CDH3: variants seen among roughly 807,000 people sequenced by gnomAD.
The protein encoded by CDH3 is cadherin-3.
CDH3 carries 54 observed loss-of-function variants against 82.0 expected under a neutral mutation model. That is an observed-to-expected ratio of 0.66 (90% CI 0.53 to 0.83). The LOEUF (loss-of-function observed/expected upper bound fraction) is 0.83, where lower values mean the gene tolerates loss of function less well. Ranked by LOEUF, CDH3 falls within the 40% of genes least tolerant of loss-of-function variation. CDH3 has a pLI of 0.00. For missense variants in CDH3, 1,054 were observed against 1,084.6 expected (o/e 0.97, Z 0.40); for synonymous variants, 446 against 437.9 (o/e 1.02, Z -0.23).
chr16:68,682,210 G>A lies in CDH3; in HGVS notation c.997-92G>A. On this transcript the variant is annotated intron_variant, in intron 8 of 15. Transcript: ENST00000264012. Reference sequence around the variant, plus strand: ...TGGTCCAGGAAAGGGTAAAGGCATGGGGATCCCCTGAGGTTGGATGGAGGC... The same window carrying A: ...TGGTCCAGGAAAGGGTAAAGGCATGAGGATCCCCTGAGGTTGGATGGAGGC... The A allele has an allele frequency of 2.8e-6, 4 of 1,403,870 alleles. No homozygotes were observed. In the South Asian group the frequency reaches 3.7e-5, roughly 13 times the overall value. 87.0% of individuals were successfully genotyped at this position (1,403,870 alleles called of 1,614,324 possible).
rs140184111 is a variant in CDH3 at position 68,688,784 on chromosome 16, A to G, written c.1795+1048A>G. Among the ~76,000 whole-genome samples the G allele has an allele frequency of 7.8e-3, 1,184 of 152,036 alleles. 4 individuals are homozygous for G. The highest frequency in any genetic ancestry group is 0.017 in the Middle Eastern group (5 of 294). The stretch of plus-strand genomic sequence containing the variant: ...CAGATACCTGTCACCATGCCCATCT[A>G]ATTTTTGTATTTTTTAGTAAAGGCA... On this transcript the variant is annotated intron_variant, in intron 12 of 15. Coordinates refer to ENST00000264012, the MANE Select transcript of CDH3 (RefSeq NM_001793.6).
At position 68,710,999 on chromosome 16, in the gene CDH3, AAGGGGAGGGGAGGGG is replaced by A. The variant is rs1238380029; in HGVS notation, c.100-11412_100-11398del. On this transcript the variant is annotated intron_variant, in intron 1 of 2. Coordinates refer to the CDH3 transcript ENST00000569080. Reference sequence around the variant, plus strand: ...GGGGAGGGGGGAGGGGACGGGAGGAAAGGGGAGGGGAGGGGAGGGGAGGGGAGGAGAGAAGGCGAG... The same window carrying A: ...GGGGAGGGGGGAGGGGACGGGAGGAAAGGGGAGGGGAGGAGAGAAGGCGAG... 1.2e-3 allele frequency among the ~76,000 whole-genome samples: 31 copies of A among 25,256 alleles called. 1 individual carries two copies. Among genetic ancestry groups the A allele is most frequent in the Non-Finnish European group, 6.6e-4 (9 of 13,624 alleles). 16.6% of individuals were successfully genotyped at this position (25,256 alleles called of 152,430 possible).
intron 2 of CDH3, among the ~76,000 whole-genome samples, chr16:68,648,271 C>T (rs981054636): frequency 6.6e-6 from 1 of 152,110 alleles, no homozygotes; most frequent in Non-Finnish European, 1.5e-5. Flanking sequence ...CTGGTATATG[C>T]CCAGGGCCTG....
chr16:68,679,329 G>C (rs2152100397), intron 6 of CDH3, among the ~76,000 whole-genome samples: 1 of 152,340 alleles, frequency 6.6e-6, no homozygotes, highest in South Asian at 2.1e-4. Context: ...AGGTAATACA[G>C]AGCGCCTAAT....
At chr16:68,731,391 A>ATATATATATAT (rs1182933300), downstream of CDH3, among the ~76,000 whole-genome samples, 2 of 7,358 alleles carry the variant, frequency 2.7e-4, no homozygotes, top group African/African-American at 6.7e-4. Flanking sequence ...AAAAAAAAAA[A>ATATATATATAT]AAAAATATAT....
chr16:68,681,072 T>C lies in CDH3; in HGVS notation c.972T>C (p.Asn324=). The C allele has an allele frequency of 6.2e-7, 1 of 1,613,968 alleles. No individual in the cohort carries two copies. Among genetic ancestry groups the C allele is most frequent in the Non-Finnish European group, 8.5e-7 (1 of 1,179,970 alleles). Residue 324 remains asparagine, a synonymous_variant, in exon 8 of 16, where the codon AAT becomes AAC. Coordinates refer to ENST00000264012, the MANE Select transcript of CDH3 (RefSeq NM_001793.6). ...AVVEILDAND[N]APMFDPQKYE... is the part of the protein sequence containing the mutation. The stretch of plus-strand genomic sequence containing the variant: ...TGGAGATCCTTGATGCCAATGACAA[T>C]GCTCCCATGTTTGACCCCCAGAAGG...
chr16:68,702,182 G>C (rs1961905620), downstream of CDH3, among the ~76,000 whole-genome samples: 1 of 152,102 alleles, frequency 6.6e-6, no homozygotes, highest in Admixed American at 6.6e-5. Context: ...GTGAGCCACT[G>C]TGCCCAGCCT....
chr16:68,708,855 CT>C (rs1454585584), intron 1 of CDH3, among the ~76,000 whole-genome samples: 1 of 152,124 alleles, frequency 6.6e-6, no homozygotes, highest in African/African-American at 2.4e-5. Context: ...GTTGGTTAGG[CT>C]GATCTCAATC....
chr16:68,700,267 G>T lies in CDH3; in HGVS notation c.*1867G>T, dbSNP rs1567460196. 6.6e-6 allele frequency: 1 copy of T among 152,222 alleles called. No homozygotes were observed. The highest frequency in any genetic ancestry group is 1.5e-5 in the Non-Finnish European group (1 of 68,038). The allele number at this position is 152,222 out of a possible 1,614,324, so 9.4% of individuals were successfully genotyped here. On this transcript the variant is annotated 3_prime_UTR_variant, in exon 16 of 16. Transcript: ENST00000264012. ...AAGTGAAGCTGAGGAAATTGCTGAT[G>T]TTGAAATAAACATTTCCTTCCATGA...
At chr16:68,663,242 TGAGACG>T (rs1363306171) in intron 2 of CDH3, among the ~76,000 whole-genome samples, 3 of 139,412 alleles carry the variant, frequency 2.2e-5, no homozygotes, top group African/African-American at 7.8e-5. Flanking sequence ...TTTTTTTTTC[TGAGACG>T]GAGTCTTGCT....
intron 2 of CDH3, among the ~76,000 whole-genome samples, chr16:68,725,091 T>A (rs1962205023): frequency 1.3e-5 from 2 of 152,040 alleles, no homozygotes. Flanking sequence ...CCTTATCTAT[T>A]GTTCTTGAGA....
Position 68,698,169 on chromosome 16 carries a change from T to G in CDH3, c.2281-22T>G, listed in dbSNP as rs756401632. ...AGAGGCAGGACCCGCCGCTCCTAAC[T>G]ACCTGTTCTCTGTTGCCGCAGAACC... On this transcript the variant is annotated intron_variant, in intron 15 of 15. Coordinates refer to ENST00000264012, the MANE Select transcript of CDH3 (RefSeq NM_001793.6). The G allele has an allele frequency of 1.9e-6, 3 of 1,613,432 alleles. No homozygotes were observed. The Middle Eastern group carries it at 4.9e-4, about 266-fold the overall frequency.
At chr16:68,708,081 A>G (rs988013541) in intron 1 of CDH3, among the ~76,000 whole-genome samples, 2 of 152,124 alleles carry the variant, frequency 1.3e-5, no homozygotes, top group African/African-American at 2.4e-5. Flanking sequence ...TAATCTCAGC[A>G]GTTTGGGAGG....
chr16:68,684,797 A>G lies in CDH3; in HGVS notation c.1397A>G (p.Asp466Gly). ...CCTGTGTGTGTCTACACTGCAGAAG[A>G]CCCTGACAAGGAGAATCAAAAGATC... The part of the protein sequence containing the change: ...GEPVCVYTAE[D>G]PDKENQKISY... Residue 466 changes from aspartate to glycine, a missense_variant, in exon 10 of 16, where the codon GAC becomes GGC. By Grantham distance (94) the Asp-to-Gly change is moderately conservative. Transcript: ENST00000264012. 1 of 1,614,156 alleles carries G rather than the reference A, an allele frequency of 6.2e-7. No individual in the cohort carries two copies. Among genetic ancestry groups the G allele is most frequent in the Non-Finnish European group, 8.5e-7 (1 of 1,180,024 alleles).
chr16:68,680,387 CT>C (rs1188296315), intron 7 of CDH3, among the ~76,000 whole-genome samples: 2 of 152,282 alleles, frequency 1.3e-5, no homozygotes. Context: ...ACTCAAAACT[CT>C]TTTTCTGAGG....
At chr16:68,685,793 C>T (rs543348205) in intron 11 of CDH3, among the ~76,000 whole-genome samples, 14 of 152,244 alleles carry the variant, frequency 9.2e-5, no homozygotes, top group African/African-American at 2.9e-4. Context: ...GGTGACAGAG[C>T]GAGACTATCT....
intron 1 of CDH3, among the ~76,000 whole-genome samples, chr16:68,711,064 A>T (rs1440208839): frequency 1.3e-5 from 2 of 150,484 alleles, no homozygotes; most frequent in Non-Finnish European, 3.0e-5. Context: ...TAATCCCAGC[A>T]CTTTGGGAGG....
At chr16:68,715,748 C>T (rs55828499) in intron 1 of CDH3, among the ~76,000 whole-genome samples, 9 of 152,312 alleles carry the variant, frequency 5.9e-5, no homozygotes, top group Non-Finnish European at 7.3e-5. Flanking sequence ...GATGAATAGC[C>T]TCTGGAGTAG....
chr16:68,705,334 T>G (rs766121958), intron 1 of CDH3, among the ~76,000 whole-genome samples: 7 of 152,160 alleles, frequency 4.6e-5, no homozygotes, highest in African/African-American at 7.2e-5. Flanking sequence ...TCCCAGCCAC[T>G]TCTGGGGTCC....
Sources: allele counts gnomAD v4.1 joint callset (sites outside exome capture counted in the v4.1 genomes callset), GRCh38; gene constraint gnomAD v4.1.1; transcripts MANE v1.5; gene names NCBI Gene and HGNC (gene_info 2026-07-23, HGNC 2026-07-21).